The following GDA variants were observed in gnomAD, a reference collection of about 807,000 sequenced individuals.
GDA encodes the protein cytoplasmic PSD-95 interactor.
In GDA, 18 loss-of-function variants were observed where a neutral mutation model predicts 59.6. The ratio of observed to expected loss-of-function variants is 0.30; its 90% CI spans 0.21 to 0.45. The LOEUF is 0.45. Among genes scored for constraint, GDA ranks in the 20% least tolerant of loss-of-function variants. GDA has a pLI of 1.00. For missense variants in GDA, 427 were observed against 552.3 expected, an observed-to-expected ratio of 0.77 and a Z score of 2.27; for synonymous variants, 201 against 201.1, an observed-to-expected ratio of 1.00 and a Z score of 0.00.
chr9:72,231,346 G>A (rs1304784074), intron 10 of GDA, among the ~76,000 whole-genome samples, 165 bp downstream of exon 10: 1 of 152,062 alleles, frequency 6.6e-6, no homozygotes, highest in Non-Finnish European at 1.5e-5. Context: ...GGAGGCTGAG[G>A]CGGGTGGATC....
In GDA at chr9:72,245,208, T is replaced by C. The variant is rs568046619; in HGVS notation, c.1196T>C (p.Leu399Pro). ...GTGGGCAAGGAATTTGATGCCATCC[T>C]GATCAACCCCAAAGCATCCGACTCT... is the stretch of plus-strand genomic sequence containing the variant. ...FEVGKEFDAI[L>P]INPKASDSPI... Residue 399 changes from leucine to proline, a missense_variant, in exon 12 of 14, where the codon CTG (leucine) becomes CCG (proline). By Grantham distance (98) the Leu-to-Pro change is moderately conservative (BLOSUM62 -3). Transcript: ENST00000358399. The C allele has an allele frequency of 6.2e-7, 1 of 1,612,532 alleles. No individual in the cohort carries two copies. The highest frequency in any genetic ancestry group is 1.1e-5 in the South Asian group (1 of 91,058).
chr9:72,190,818 TAAA>T (rs10548640), intron 1 of GDA, among the ~76,000 whole-genome samples: 5 of 151,554 alleles, frequency 3.3e-5, no homozygotes, highest in African/African-American at 1.2e-4. Flanking sequence ...ATAAGAAAAT[TAAA>T]AAAAAAAATT....
rs192038957 is a variant in GDA at position 72,129,045 on chromosome 9, C to T, written c.-100+14212C>T. The stretch of plus-strand genomic sequence containing the variant: ...TGGCCTGATCTGGGCTCACTGCAAC[C>T]TCTGCCCCCTGGGTTCAAGTGATTC... On this transcript the variant is annotated intron_variant, in intron 1 of 13. Coordinates refer to the GDA transcript ENST00000545168. Among the ~76,000 whole-genome samples the T allele has an allele frequency of 2.8e-3, 421 of 152,224 alleles. 1 individual carries two copies. Among genetic ancestry groups the T allele is most frequent in the Non-Finnish European group, 5.1e-3 (346 of 68,022 alleles).
intron 12 of GDA, among the ~76,000 whole-genome samples, 180 bp downstream of exon 12, chr9:72,245,458 T>G (rs1840043559): frequency 6.6e-6 from 1 of 152,176 alleles, no homozygotes; most frequent in South Asian, 2.1e-4. Flanking sequence ...AGAATAATGG[T>G]GTTAACAAAA....
At chr9:72,151,855 G>A (rs1215353927) in intron 1 of GDA, among the ~76,000 whole-genome samples, 7 of 151,952 alleles carry the variant, frequency 4.6e-5, no homozygotes, top group South Asian at 2.1e-4. Context: ...CCCCTGCCTC[G>A]GCCTCCCAAA....
intron 1 of GDA, among the ~76,000 whole-genome samples, chr9:72,133,533 A>G (rs1826112574): frequency 6.6e-6 from 1 of 152,112 alleles, no homozygotes; most frequent in African/African-American, 2.4e-5. Context: ...TCGAGCTGGC[A>G]AGGCTCGATT....
intron 1 of GDA, among the ~76,000 whole-genome samples, chr9:72,126,679 A>G (rs1255010152): frequency 6.8e-6 from 1 of 147,482 alleles, no homozygotes; most frequent in Non-Finnish European, 1.5e-5. Flanking sequence ...TGATTCTCCT[A>G]CCTCAGCCTC....
At chr9:72,130,111 G>A (rs972196251) in intron 1 of GDA, among the ~76,000 whole-genome samples, 3 of 152,186 alleles carry the variant, frequency 2.0e-5, no homozygotes, top group Non-Finnish European at 2.9e-5. Flanking sequence ...AACACTCATA[G>A]CCTGGAGACA....
At chr9:72,203,705 A>C (rs1287842414) in intron 3 of GDA, among the ~76,000 whole-genome samples, 1 of 152,152 alleles carries the variant, frequency 6.6e-6, no homozygotes, top group African/African-American at 2.4e-5. Flanking sequence ...TGTTCACTAC[A>C]TGTGGTGGTG....
In GDA at chr9:72,249,898, G is replaced by T; in HGVS notation, c.*1556G>T. ...TATTTTCACATACTTAGCTAATTTA[G>T]CAGTAATTGGCCCAGTTTTTTCCCT... is the stretch of plus-strand genomic sequence containing the variant. On this transcript the variant is annotated 3_prime_UTR_variant, in exon 14 of 14. Coordinates refer to ENST00000358399, the MANE Select transcript of GDA (RefSeq NM_004293.5). 1.0e-6 allele frequency: 1 copy of T among 968,408 alleles called. No individual in the cohort carries two copies. Among genetic ancestry groups the T allele is most frequent in the Non-Finnish European group, 1.2e-6 (1 of 814,472 alleles). 60.0% of individuals were successfully genotyped at this position (968,408 alleles called of 1,614,324 possible).
At chr9:72,184,036 C>T (rs1032875201) in intron 1 of GDA, among the ~76,000 whole-genome samples, 5 of 152,128 alleles carry the variant, frequency 3.3e-5, no homozygotes, top group African/African-American at 1.2e-4. Flanking sequence ...AATCTTTGCA[C>T]TTATCTTTTA....
intron 3 of GDA, among the ~76,000 whole-genome samples, chr9:72,210,347 G>A (rs1422793148): frequency 2.0e-5 from 3 of 152,110 alleles, no homozygotes; most frequent in African/African-American, 7.2e-5. Flanking sequence ...TTATTCTGTA[G>A]TAGAAGAAAA....
At chr9:72,235,960 G>T (rs766328322) in intron 10 of GDA, among the ~76,000 whole-genome samples, 11 of 152,140 alleles carry the variant, frequency 7.2e-5, no homozygotes, top group Non-Finnish European at 1.3e-4. Flanking sequence ...TGGAGCCAGT[G>T]CCTCACTTTT....
intron 1 of GDA, among the ~76,000 whole-genome samples, chr9:72,182,451 C>T (rs932467551): frequency 2.6e-5 from 4 of 152,126 alleles, no homozygotes; most frequent in African/African-American, 7.2e-5. Context: ...TGATTAGATT[C>T]AGGTCGTGCA....
downstream of GDA, among the ~76,000 whole-genome samples, chr9:72,254,725 G>T (rs1840847169): frequency 6.6e-6 from 1 of 152,202 alleles, no homozygotes. Context: ...CTCCAGATCA[G>T]ACTTTTGGTT....
intron 1 of GDA, among the ~76,000 whole-genome samples, chr9:72,189,537 G>A (rs1339294513): frequency 6.6e-6 from 1 of 152,032 alleles, no homozygotes; most frequent in African/African-American, 2.4e-5. Context: ...TGGGACTACT[G>A]GAATGAGATG....
In GDA at chr9:72,250,104, C is replaced by G. The variant is rs371833510; in HGVS notation, c.*1762C>G. On this transcript the variant is annotated 3_prime_UTR_variant, in exon 14 of 14. Coordinates refer to ENST00000358399, the MANE Select transcript of GDA (RefSeq NM_004293.5). ...TAATTCCTGAGCCACGTCAAAGATG[C>G]CTTGCCAAATTTCTCCCCATTTCTC... The G allele has an allele frequency of 2.0e-6, 2 of 984,900 alleles. No homozygotes were observed. The highest frequency in any genetic ancestry group is 2.4e-6 in the Non-Finnish European group (2 of 829,492). The allele number at this position is 984,900 out of a possible 1,614,324, so 61.0% of individuals were successfully genotyped here.
chr9:72,175,491 A>G (rs573701702), intron 1 of GDA, among the ~76,000 whole-genome samples: 48 of 152,342 alleles, frequency 3.2e-4, no homozygotes, highest in South Asian at 1.0e-3. Flanking sequence ...TGACTTTGAG[A>G]AACACAAATG....
chr9:72,172,797 T>C (rs1384029281), intron 1 of GDA, among the ~76,000 whole-genome samples: 7 of 143,322 alleles, frequency 4.9e-5, no homozygotes, highest in African/African-American at 1.7e-4. Context: ...ATTACTCTAT[T>C]TTGAAACTCC....
Sources: gnomAD v4.1 joint callset for allele counts (sites outside exome capture counted in the v4.1 genomes callset) on GRCh38, gnomAD v4.1.1 for gene constraint, MANE v1.5 for transcripts, NCBI Gene and HGNC (gene_info 2026-07-23, HGNC 2026-07-21) for gene names.